The following INSL6 variants were observed in gnomAD, a reference collection of about 807,000 sequenced individuals.
The protein encoded by INSL6 is insulin-like peptide INSL6.
INSL6 carries 16 observed loss-of-function variants against 9.4 expected under a neutral mutation model. The observed-to-expected ratio is 1.70, with a 90% CI of 1.15 to 2.59. INSL6 has a LOEUF of 2.59. Among genes scored for constraint, INSL6 ranks in the 30% most tolerant of loss-of-function variants. The pLI, the probability that INSL6 is intolerant of heterozygous loss-of-function variation, is 0.00. For synonymous variants in INSL6, 154 were observed against 96.9 expected (o/e 1.59, Z -3.46); for missense variants, 391 against 257.3 (o/e 1.52, Z -3.56).
chr9:5,067,448 G>C, the INSL6 span, among the ~76,000 whole-genome samples: 1 of 151,880 alleles, frequency 6.6e-6, no homozygotes, highest in Non-Finnish European at 1.5e-5. Context: ...TTTTAAAACA[G>C]AGAAAAATAA....
At chr9:5,136,458 A>C (rs1182232207) in intron 2 of INSL6, among the ~76,000 whole-genome samples, 1 of 152,052 alleles carries the variant, frequency 6.6e-6, no homozygotes, top group African/African-American at 2.4e-5. Flanking sequence ...ATGCAAAGCT[A>C]GTTCAACATA....
chr9:5,147,790 G>A (rs1256931638), intron 2 of INSL6, among the ~76,000 whole-genome samples: 1 of 152,048 alleles, frequency 6.6e-6, no homozygotes, highest in African/African-American at 2.4e-5. Context: ...TGAAAAACTG[G>A]TCTCTGAGCT....
chr9:5,016,249 G>C, the INSL6 span, among the ~76,000 whole-genome samples: 1 of 152,288 alleles, frequency 6.6e-6, no homozygotes, highest in East Asian at 1.9e-4. Flanking sequence ...CCTTGTGACT[G>C]ACTGGATCTG....
chr9:5,086,222 G>T, the INSL6 span: 1 of 604,646 alleles, frequency 1.7e-6, no homozygotes, highest in Non-Finnish European at 2.1e-6. Context: ...CGAGGCCACG[G>T]TCGGAGTCTG....
At chr9:5,171,906 T>C (rs935009069) in intron 1 of INSL6, among the ~76,000 whole-genome samples, 6 of 152,204 alleles carry the variant, frequency 3.9e-5, no homozygotes, top group African/African-American at 1.4e-4. Flanking sequence ...ATGGCCATCC[T>C]GCCCAAAGTA....
At chr9:5,157,413 G>A (rs1023105114) in intron 2 of INSL6, among the ~76,000 whole-genome samples, 1 of 151,858 alleles carries the variant, frequency 6.6e-6, no homozygotes, top group Non-Finnish European at 1.5e-5. Context: ...AAAGATTAAT[G>A]GAAAAAAAGA....
chr9:5,116,913 A>C, the INSL6 span, among the ~76,000 whole-genome samples: 1 of 152,260 alleles, frequency 6.6e-6, no homozygotes, highest in African/African-American at 2.4e-5. Flanking sequence ...GGAAAACATA[A>C]CAGTACAAAT....
intron 2 of INSL6, chr9:5,133,607 C>A (rs1056457721): frequency 1.3e-5 from 2 of 152,126 alleles, no homozygotes; most frequent in African/African-American, 4.9e-5. Context: ...AGCACAGGGG[C>A]CCGACTGTTA....
At chr9:5,112,225 CG>C in the INSL6 span, 29 of 270,838 alleles carry the variant, frequency 1.1e-4, no homozygotes, top group East Asian at 7.9e-4. Context: ...GGGGGCAGCA[CG>C]CAGGCCTGGT....
chr9:5,180,270 A>G (rs1825420586), intron 1 of INSL6, among the ~76,000 whole-genome samples: 1 of 152,214 alleles, frequency 6.6e-6, no homozygotes, highest in Non-Finnish European at 1.5e-5. Context: ...TGTTAACTGT[A>G]CAAATTGATT....
the INSL6 span, chr9:5,108,516 T>G: frequency 6.6e-6 from 1 of 152,136 alleles, no homozygotes; most frequent in Non-Finnish European, 1.5e-5. Flanking sequence ...ATGACTAGCA[T>G]GTATTATGGC....
the INSL6 span, among the ~76,000 whole-genome samples, chr9:5,102,717 G>A: frequency 6.6e-6 from 1 of 152,216 alleles, no homozygotes; most frequent in South Asian, 2.1e-4. Context: ...CTACAAGCCA[G>A]AAGAGAGTGG....
chr9:5,162,682 C>G (rs1013357048), downstream of INSL6, among the ~76,000 whole-genome samples: 4 of 152,188 alleles, frequency 2.6e-5, no homozygotes, highest in African/African-American at 9.7e-5. Context: ...TAACTGAATG[C>G]AGACTGTACC....
chr9:5,067,964 C>T, the INSL6 span, among the ~76,000 whole-genome samples: 2 of 151,928 alleles, frequency 1.3e-5, no homozygotes, highest in East Asian at 3.9e-4. Context: ...CCATCCTGGC[C>T]AATGTGGTGA....
the INSL6 span, among the ~76,000 whole-genome samples, chr9:5,042,176 GCCGGA>G: frequency 4.1e-5 from 6 of 147,450 alleles, no homozygotes; most frequent in African/African-American, 1.3e-4. Flanking sequence ...TGTCGCCCAG[GCCGGA>G]CTGCGGACTG....
At chr9:5,010,465 C>T in the INSL6 span, among the ~76,000 whole-genome samples, 7 of 152,034 alleles carry the variant, frequency 4.6e-5, no homozygotes, top group South Asian at 2.1e-4. Flanking sequence ...GGATTACAGG[C>T]GTGTACCACT....
At chr9:5,029,662 G>C in the INSL6 span, 1 of 804,028 alleles carries the variant, frequency 1.2e-6, no homozygotes, top group Non-Finnish European at 1.9e-6. Context: ...GATTTCGACT[G>C]CTATTACATT....
chr9:5,172,063 A>G (rs1198547563), intron 1 of INSL6, among the ~76,000 whole-genome samples: 1 of 152,224 alleles, frequency 6.6e-6, no homozygotes, highest in Non-Finnish European at 1.5e-5. Context: ...GAAGGGAGGC[A>G]TCACACTACT....
chr9:5,126,763 A>G, intron 3 of INSL6: 1 of 1,609,354 alleles, frequency 6.2e-7, no homozygotes, highest in Non-Finnish European at 8.5e-7. Context: ...CTTCGAGTGG[A>G]TCAAATAAGG....
Sources: allele counts gnomAD v4.1 joint callset (sites outside exome capture counted in the v4.1 genomes callset), GRCh38; gene constraint gnomAD v4.1.1; transcripts MANE v1.5; gene names NCBI Gene and HGNC (gene_info 2026-07-23, HGNC 2026-07-21).